RYR1: variants seen among roughly 807,000 people sequenced by gnomAD.
RYR1 encodes the protein ryanodine receptor 1.
RYR1 carries 342 observed loss-of-function variants against 583.5 expected under a neutral mutation model. That is an observed-to-expected ratio of 0.59 (90% CI 0.54 to 0.64). The LOEUF is 0.64. Ranked by LOEUF, RYR1 falls within the 30% of genes least tolerant of loss-of-function variation. The probability of loss-of-function intolerance (pLI) is 0.00; values close to 1 mark genes in which losing one functional copy is unlikely to be tolerated. For synonymous variants in RYR1, 2,791 were observed against 2,822.5 expected, an observed-to-expected ratio of 0.99 and a Z score of 0.35; for missense variants, 6,032 against 6,917.2, an observed-to-expected ratio of 0.87 and a Z score of 4.54.
At chr19:38,479,049 T>A (rs1363860192) in intron 31 of RYR1, among the ~76,000 whole-genome samples, 1 of 152,182 alleles carries the variant, frequency 6.6e-6, no homozygotes, top group African/African-American at 2.4e-5. Context: ...ATTACAGGCG[T>A]GAGCCACCAC....
intron 29 of RYR1, among the ~76,000 whole-genome samples, chr19:38,475,806 C>G (rs1362221471): frequency 6.6e-6 from 1 of 152,184 alleles, no homozygotes; most frequent in East Asian, 1.9e-4. Context: ...TAATATATTA[C>G]TGGGAACAAA....
At chr19:38,586,600 C>T (rs779365730) in intron 105 of RYR1, 24 bp downstream of exon 105, 2 of 1,610,246 alleles carry the variant, frequency 1.2e-6, no homozygotes, top group East Asian at 2.2e-5. Context: ...AATGGGAGGA[C>T]AGTGGGCAGG....
chr19:38,532,402 C>T, intron 76 of RYR1, 88 bp from the exon 77 acceptor site: 1 of 1,334,810 alleles, frequency 7.5e-7, no homozygotes, highest in Non-Finnish European at 1.1e-6. Context: ...GGATTACAGG[C>T]ATGAGCCACC....
rs66571762 is a variant in RYR1 at position 38,452,126 on chromosome 19, C to CAAA, written c.1244+264_1244+266dup. Reference sequence around the variant, plus strand: ...CAGCATAGGGAGACCCCGCCTCTACCAAAAAAAAAAAAAAAAAAAAAAAAA... The same window carrying CAAA: ...CAGCATAGGGAGACCCCGCCTCTACCAAAAAAAAAAAAAAAAAAAAAAAAAAAA... On this transcript the variant is annotated intron_variant, in intron 12 of 105. Transcript: ENST00000359596. Among the ~76,000 whole-genome samples, 2,720 of 68,288 alleles carry CAAA rather than the reference C, an allele frequency of 0.04. 98 individuals carry two copies. Among genetic ancestry groups the CAAA allele is most frequent in the African/African-American group, 0.06 (998 of 16,710 alleles). The allele number at this position is 68,288 out of a possible 152,430, so 44.8% of individuals were successfully genotyped here. A position where few individuals can be genotyped will look rare whatever the true frequency, so the allele number is the denominator to read the frequency against.
Position 38,469,062 on chromosome 19 carries a change from A to G in RYR1, c.3478A>G (p.Ile1160Val). ...CMIDLTENTI[I>V]FTLNGEVLMS... ...GATCGACCTCACAGAGAACACCATTATCTTCACCCTCAATGGCGAGGTCCT... is the reference window on the plus strand; with the variant it reads ...GATCGACCTCACAGAGAACACCATTGTCTTCACCCTCAATGGCGAGGTCCT... Residue 1160 changes from isoleucine to valine, a missense_variant, in exon 26 of 106, where the codon ATC becomes GTC. Ile to Val is a conservative substitution (Grantham distance 29, BLOSUM62 3). Around this residue, in one of 11 missense-constraint regions of RYR1, gnomAD observed 2,627 missense variants for 2,961.3 expected, o/e 0.89. Coordinates refer to ENST00000359596, the MANE Select transcript of RYR1 (RefSeq NM_000540.3). The G allele has an allele frequency of 6.2e-7, 1 of 1,614,126 alleles. No individual in the cohort carries two copies. The highest frequency in any genetic ancestry group is 8.5e-7 in the Non-Finnish European group (1 of 1,180,004).
intron 67 of RYR1, among the ~76,000 whole-genome samples, chr19:38,520,311 C>T (rs1036940924): frequency 6.0e-5 from 9 of 151,230 alleles, no homozygotes; most frequent in African/African-American, 1.5e-4. Context: ...AGTGATCCTC[C>T]CACCTCAGCC....
Position 38,565,423 on chromosome 19 carries a change from C to G in RYR1, c.13089C>G (p.Phe4363Leu). The G allele has an allele frequency of 6.7e-7, 1 of 1,486,084 alleles. No individual in the cohort carries two copies. Among genetic ancestry groups the G allele is most frequent in the Non-Finnish European group, 8.9e-7 (1 of 1,125,100 alleles). 92.1% of individuals were successfully genotyped at this position (1,486,084 alleles called of 1,614,324 possible). The change falls in exon 91 of 106, where the codon TTC (phenylalanine) becomes TTG (leucine). Residue 4363 changes from phenylalanine to leucine, a missense_variant. This residue lies in a region of RYR1 where 753 missense variants were observed against 759.6 expected (regional missense o/e 0.99). Coordinates refer to ENST00000359596, the MANE Select transcript of RYR1 (RefSeq NM_000540.3). This position sits in a 1 kb window ranked among gnomAD's most constrained non-coding sequence, Gnocchi z 4.7. Reference sequence around the variant, plus strand: ...TGGGCCTGCTCTGGGGCTCGCTGTTCGGCGGCGGCCTGGTGGAGGGCGCCA... The same window carrying G: ...TGGGCCTGCTCTGGGGCTCGCTGTTGGGCGGCGGCCTGGTGGAGGGCGCCA... ...GALGLLWGSL[F>L]GGGLVEGAKK... is the part of the protein sequence containing the mutation.
Position 38,535,177 on chromosome 19 carries a change from TG to T in RYR1, c.11399del (p.Gly3800AlafsTer35), listed in dbSNP as rs747917754. The T allele has an allele frequency of 6.2e-7, 1 of 1,614,182 alleles. No individual in the cohort carries two copies. The highest frequency in any genetic ancestry group is 2.2e-5 in the East Asian group (1 of 44,884). Reference protein sequence around the residue: ...TGAMVSSTLKLGISILNGGNA... With the variant: ...TGAMVSSTLKXGISILNGGNA... The stretch of plus-strand genomic sequence containing the variant: ...GCCATGGTGTCCTCCACCCTGAAGC[TG>T]GGCATCTCCATCCTCAATGGAGGCA... On this transcript the variant is annotated frameshift_variant, in exon 80 of 106. Coordinates refer to ENST00000359596, the MANE Select transcript of RYR1 (RefSeq NM_000540.3). LOFTEE classifies it high-confidence loss of function.
At chr19:38,585,564 C>T (rs1326408203) in intron 102 of RYR1, among the ~76,000 whole-genome samples, 1 of 151,562 alleles carries the variant, frequency 6.6e-6, no homozygotes, top group East Asian at 1.9e-4. Context: ...ACCTCTACCT[C>T]CCAGGTTCAA....
At chr19:38,494,276 C>T in intron 38 of RYR1, 76 bp from the exon 39 acceptor site, 1 of 1,589,198 alleles carries the variant, frequency 6.3e-7, no homozygotes, top group Non-Finnish European at 8.6e-7. Context: ...GCCCCTTCCA[C>T]ATTGTTCTGG....
rs1416168826 is a variant in RYR1 at position 38,528,608 on chromosome 19, A to C, written c.10947A>C (p.Ala3649=). Residue 3649 remains alanine, a synonymous_variant, in exon 75 of 106, where the codon GCA becomes GCC. Transcript: ENST00000359596. ...CACCTCTCCCCTGCAGGCACCGGGC[A>C]TGTAACATGTTCCTGGAGAGCTACA... The part of the protein sequence containing the change: ...TPLYNLPTHR[A]CNMFLESYKA... 1 of 1,614,160 alleles carries C rather than the reference A, an allele frequency of 6.2e-7. No individual in the cohort carries two copies. The highest frequency in any genetic ancestry group is 8.5e-7 in the Non-Finnish European group (1 of 1,180,012).
At chr19:38,442,707 CAG>C (rs1972752327) in intron 3 of RYR1, among the ~76,000 whole-genome samples, 2 of 152,292 alleles carry the variant, frequency 1.3e-5, no homozygotes, top group South Asian at 2.1e-4. Context: ...GCCCTGCACA[CAG>C]GGGCTGGAGG....
rs116226871 is a variant in RYR1 at position 38,446,031 on chromosome 19, C to T, written c.632-441C>T. 3.2e-3 allele frequency among the ~76,000 whole-genome samples: 493 copies of T among 152,124 alleles called. 1 individual carries two copies. The highest frequency in any genetic ancestry group is 0.011 in the African/African-American group (454 of 41,520). ...ACGAAACAAAAAAACCCTCAAAATT[C>T]AGGCCCTAACTCCAGAACCCAGCCT... On this transcript the variant is annotated intron_variant, in intron 7 of 105. Transcript: ENST00000359596.
chr19:38,563,516 C>T (rs1028937377), intron 90 of RYR1, among the ~76,000 whole-genome samples: 106 of 152,218 alleles, frequency 7.0e-4, no homozygotes, highest in Admixed American at 2.0e-3. Flanking sequence ...CCGCCCGCCT[C>T]GGCCTCCCAA....
At position 38,439,240 on chromosome 19, in the gene RYR1, C is replaced by T. The variant is rs79804123; in HGVS notation, c.46-1505C>T. Among the ~76,000 whole-genome samples, 7 of 151,548 alleles carry T rather than the reference C, an allele frequency of 4.6e-5. No individual in the cohort carries two copies. The East Asian group carries it at 1.4e-3, about 29-fold the overall frequency. On this transcript the variant is annotated intron_variant, in intron 1 of 105. Transcript: ENST00000359596. Reference sequence around the variant, plus strand: ...GAGTTTTCCCCAGGCTGGAGTTTCACTCTTGTTGCCCCAGACTGGAGTGCA... The same window carrying T: ...GAGTTTTCCCCAGGCTGGAGTTTCATTCTTGTTGCCCCAGACTGGAGTGCA...
In RYR1 at chr19:38,512,635, A is replaced by G; in HGVS notation, c.9472+152A>G. The G allele has an allele frequency of 1.3e-6, 1 of 769,792 alleles. No individual in the cohort carries two copies. The highest frequency in any genetic ancestry group is 1.6e-5 in the South Asian group (1 of 63,984). The allele number at this position is 769,792 out of a possible 1,614,324, so 47.7% of individuals were successfully genotyped here. On this transcript the variant is annotated intron_variant, in intron 63 of 105. Transcript: ENST00000359596. The surrounding 1 kb of genome is among the most constrained non-coding windows in gnomAD (Gnocchi z 5.1). Reference sequence around the variant, plus strand: ...TCAGTACCTTGGCAGGTGGCAAATGAGTTAATGAGGACGCGAGCTCAGCAG... The same window carrying G: ...TCAGTACCTTGGCAGGTGGCAAATGGGTTAATGAGGACGCGAGCTCAGCAG...
At chr19:38,515,162 G>A (rs1434959585) in intron 64 of RYR1, 55 bp downstream of exon 64, 1 of 1,170,096 alleles carries the variant, frequency 8.5e-7, no homozygotes, top group Non-Finnish European at 1.3e-6. Flanking sequence ...GGAAGGGAGG[G>A]AGCAGGGGAA....
In RYR1 at chr19:38,519,379, G is replaced by C. The variant is rs543161252; in HGVS notation, c.10184G>C (p.Arg3395Pro). ...GCCCAGGAGGGCGAGCTGCTGGTGC[G>C]GGACGAGTTCTCTGTGCTCTGCCGG... is the stretch of plus-strand genomic sequence containing the variant. ...AEAQEGELLV[R>P]DEFSVLCRDL... is the part of the protein sequence containing the mutation. The change falls in exon 67 of 106, where the codon CGG becomes CCG. Residue 3395 changes from arginine to proline, a missense_variant. Transcript: ENST00000359596. 6.2e-7 allele frequency: 1 copy of C among 1,606,740 alleles called. No homozygotes were observed. The highest frequency in any genetic ancestry group is 8.5e-7 in the Non-Finnish European group (1 of 1,177,010).
chr19:38,516,310 G>T, intron 65 of RYR1, 93 bp downstream of exon 65: 1 of 1,458,260 alleles, frequency 6.9e-7, no homozygotes, highest in East Asian at 2.5e-5. Flanking sequence ...GTGTGGCTGG[G>T]CTGGGCTGTG....
Sources: gnomAD v4.1 joint callset for allele counts (sites outside exome capture counted in the v4.1 genomes callset) on GRCh38, gnomAD v4.1.1 for gene constraint, gnomAD v4.1.1 regional missense constraint, Gnocchi (gnomAD v3.1) non-coding constraint, MANE v1.5 for transcripts, NCBI Gene and HGNC (gene_info 2026-07-23, HGNC 2026-07-21) for gene names.